PPARGC1A: variants seen among roughly 807,000 people sequenced by gnomAD.
The protein encoded by PPARGC1A is peroxisome proliferator-activated receptor gamma coactivator 1-alpha.
In PPARGC1A, 25 loss-of-function variants were observed where a neutral mutation model predicts 88.7. The ratio of observed to expected loss-of-function variants is 0.28; its 90% confidence interval spans 0.21 to 0.39. The LOEUF is 0.39. Among genes scored for constraint, PPARGC1A ranks in the 10% least tolerant of loss-of-function variants. The pLI is 1.00. For missense variants in PPARGC1A, 880 were observed against 968.7 expected (o/e 0.91, Z 1.22); for synonymous variants, 363 against 355.6 (o/e 1.02, Z -0.24).
At chr4:24,258,095 G>T in the PPARGC1A span, 1 of 380,694 alleles carries the variant, frequency 2.6e-6, no homozygotes, top group Non-Finnish European at 3.6e-6. Context: ...ATCAATATCT[G>T]GGTGTGAAAC....
chr4:24,442,953 C>G, the PPARGC1A span, among the ~76,000 whole-genome samples: 1 of 152,126 alleles, frequency 6.6e-6, no homozygotes, highest in Non-Finnish European at 1.5e-5. Flanking sequence ...CTCTTAGGGA[C>G]GCAAAGACAA....
chr4:24,239,911 C>T, the PPARGC1A span, among the ~76,000 whole-genome samples: 1 of 152,056 alleles, frequency 6.6e-6, no homozygotes, highest in African/African-American at 2.4e-5. Context: ...ACCTGTCTCG[C>T]TTATTCTCTC....
At chr4:24,462,102 T>G in the PPARGC1A span, among the ~76,000 whole-genome samples, 1 of 152,146 alleles carries the variant, frequency 6.6e-6, no homozygotes, top group Non-Finnish European at 1.5e-5. Context: ...TTGTTTGTTT[T>G]TGAGATGGAG....
the PPARGC1A span, among the ~76,000 whole-genome samples, chr4:24,029,091 T>C: frequency 6.6e-6 from 1 of 152,210 alleles, no homozygotes; most frequent in Non-Finnish European, 1.5e-5. Flanking sequence ...TTTGCTATGC[T>C]GTCCCTCCGT....
the PPARGC1A span, among the ~76,000 whole-genome samples, chr4:24,380,777 C>A: frequency 2.0e-5 from 3 of 151,762 alleles, no homozygotes; most frequent in Admixed American, 2.0e-4. Context: ...TAAAGCCCTT[C>A]CCAGGTTTCT....
the PPARGC1A span, among the ~76,000 whole-genome samples, chr4:24,193,392 G>A: frequency 6.6e-6 from 1 of 152,092 alleles, no homozygotes; most frequent in Non-Finnish European, 1.5e-5. Context: ...GCAAGAAAAA[G>A]GAACACATGA....
the PPARGC1A span, among the ~76,000 whole-genome samples, chr4:24,319,842 C>T: frequency 1.3e-5 from 2 of 152,284 alleles, no homozygotes; most frequent in South Asian, 4.1e-4. Flanking sequence ...TTACCTTTCT[C>T]TAAAGTACCT....
the PPARGC1A span, among the ~76,000 whole-genome samples, chr4:24,273,850 C>T: frequency 6.6e-6 from 1 of 150,710 alleles, no homozygotes; most frequent in Non-Finnish European, 1.5e-5. Flanking sequence ...CCTGCCTCAG[C>T]TTCCTGAGTA....
At chr4:23,839,773 A>G (rs1279361300) in intron 2 of PPARGC1A, among the ~76,000 whole-genome samples, 2 of 150,142 alleles carry the variant, frequency 1.3e-5, no homozygotes, top group Non-Finnish European at 3.0e-5. Flanking sequence ...GGAACAAGTC[A>G]CATCTTACGT....
At chr4:24,298,804 A>G in the PPARGC1A span, among the ~76,000 whole-genome samples, 4 of 152,326 alleles carry the variant, frequency 2.6e-5, no homozygotes, top group Admixed American at 1.3e-4. Context: ...CACAGTTCCT[A>G]TAAAGTTCTT....
At chr4:23,831,818 C>T (rs1455494610) in intron 2 of PPARGC1A, 67 bp from the exon 3 acceptor site, 1 of 1,282,742 alleles carries the variant, frequency 7.8e-7, no homozygotes, top group African/African-American at 1.5e-5. Flanking sequence ...TATGCATCAA[C>T]ATGTTTGACC....
Position 23,814,532 on chromosome 4 carries a change from C to T in PPARGC1A, c.951G>A (p.Lys317=). The change falls in exon 8 of 13, where the codon AAG becomes AAA. Residue 317 remains lysine (K), a synonymous_variant. Transcript: ENST00000264867. ...GTGGCACCACAGTCTTGCAAGAGGA[C>T]TTCAGCTTTGGAGAAGCCCTAAAAG... ...DNPFRASPKL[K]SSCKTVVPPP... 6.8e-6 allele frequency: 11 copies of T among 1,610,986 alleles called. No individual in the cohort carries two copies. The highest frequency in any genetic ancestry group is 9.3e-6 in the Non-Finnish European group (11 of 1,179,550).
the PPARGC1A span, among the ~76,000 whole-genome samples, chr4:24,075,966 T>G: frequency 1.3e-5 from 2 of 152,156 alleles, no homozygotes; most frequent in African/African-American, 4.8e-5. Context: ...TACACCACCT[T>G]GACTAGTTTC....
the PPARGC1A span, among the ~76,000 whole-genome samples, chr4:24,343,992 G>A: frequency 1.3e-5 from 2 of 151,630 alleles, no homozygotes; most frequent in Admixed American, 1.3e-4. Flanking sequence ...AACACACAAT[G>A]TTTGGTTTTC....
At chr4:24,208,654 C>T in the PPARGC1A span, among the ~76,000 whole-genome samples, 1 of 122,196 alleles carries the variant, frequency 8.2e-6, no homozygotes, top group East Asian at 2.4e-4. Flanking sequence ...ATGGAATCTG[C>T]AATCAAACTC....
the PPARGC1A span, among the ~76,000 whole-genome samples, chr4:24,124,032 C>A: frequency 6.6e-6 from 1 of 151,790 alleles, no homozygotes; most frequent in African/African-American, 2.4e-5. Context: ...GGCAGGAGAA[C>A]CTATTGGAGG....
the PPARGC1A span, among the ~76,000 whole-genome samples, chr4:24,093,113 GTTA>G: frequency 6.6e-6 from 1 of 152,248 alleles, no homozygotes; most frequent in South Asian, 2.1e-4. Context: ...ATTCTATGAG[GTTA>G]TTATTATGCT....
the PPARGC1A span, among the ~76,000 whole-genome samples, chr4:24,309,684 G>A: frequency 6.6e-6 from 1 of 152,040 alleles, no homozygotes; most frequent in African/African-American, 2.4e-5. Flanking sequence ...TGGGCTCAAG[G>A]GATCCTCCTG....
At chr4:24,072,591 AC>A in the PPARGC1A span, among the ~76,000 whole-genome samples, 1 of 151,948 alleles carries the variant, frequency 6.6e-6, no homozygotes, top group African/African-American at 2.4e-5. Flanking sequence ...AAGATCAACA[AC>A]CCCCCAAAAT....
Sources: allele counts gnomAD v4.1 joint callset (sites outside exome capture counted in the v4.1 genomes callset), GRCh38; gene constraint gnomAD v4.1.1; transcripts MANE v1.5; gene names NCBI Gene and HGNC (gene_info 2026-07-23, HGNC 2026-07-21).